The following ITSN1 variants were observed in gnomAD, a reference collection of about 807,000 sequenced individuals.
ITSN1 encodes the protein intersectin-1.
A neutral mutation model predicts 239.8 loss-of-function variants in ITSN1; 58 were observed. The ratio of observed to expected loss-of-function variants is 0.24; its 90% CI spans 0.20 to 0.30. The LOEUF is 0.30. Among genes scored for constraint, ITSN1 ranks in the 10% least tolerant of loss-of-function variants. The pLI, the probability that ITSN1 is intolerant of heterozygous loss-of-function variation, is 1.00. For missense variants in ITSN1, 1,558 were observed against 2,103.3 expected (o/e 0.74, Z 5.07); for synonymous variants, 780 against 770.8 (o/e 1.01, Z -0.20).
At chr21:33,858,359 G>C (rs984320181) in intron 30 of ITSN1, among the ~76,000 whole-genome samples, 1 of 152,224 alleles carries the variant, frequency 6.6e-6, no homozygotes, top group Non-Finnish European at 1.5e-5. Context: ...CTCCCAGTGC[G>C]CAGGTGAGAC....
At chr21:33,778,313 A>G (rs1390965922) in intron 14 of ITSN1, among the ~76,000 whole-genome samples, 2 of 151,916 alleles carry the variant, frequency 1.3e-5, no homozygotes, top group Non-Finnish European at 2.9e-5. Flanking sequence ...TGAGTTGGAA[A>G]ATATTCCTTC....
intron 16 of ITSN1, among the ~76,000 whole-genome samples, chr21:33,787,910 A>C (rs1286127933): frequency 6.6e-6 from 1 of 152,222 alleles, no homozygotes. Flanking sequence ...CAGAAGTAAT[A>C]AAGTGCTCTA....
In ITSN1 at chr21:33,760,321, AG is replaced by A. The variant is rs544623197; in HGVS notation, c.725-1598del. ...AGCTGAGTCTAAAAGAGAGGCAAAT[AG>A]GGGCATCTGGGGTGCGATTATACTC... On this transcript the variant is annotated intron_variant, in intron 8 of 39. Coordinates refer to ENST00000381318, the MANE Select transcript of ITSN1 (RefSeq NM_003024.3). 8.1e-4 allele frequency among the ~76,000 whole-genome samples: 123 copies of A among 152,246 alleles called. No homozygotes were observed. In the Middle Eastern group the frequency reaches 0.014, roughly 17 times the overall value.
intron 1 of ITSN1, among the ~76,000 whole-genome samples, chr21:33,706,423 A>G (rs1010502969): frequency 6.6e-6 from 1 of 152,092 alleles, no homozygotes; most frequent in African/African-American, 2.4e-5. Context: ...TTACTTGGTC[A>G]TAAAGGTATT....
intron 4 of ITSN1, 88 bp downstream of exon 4, chr21:33,722,739 G>A (rs2065576093): frequency 8.0e-7 from 1 of 1,248,288 alleles, no homozygotes; most frequent in Non-Finnish European, 1.1e-6. Context: ...GATTTCTTAT[G>A]TTATAAAAGG....
chr21:33,832,464 T>G (rs921192984), intron 27 of ITSN1, among the ~76,000 whole-genome samples: 35 of 152,202 alleles, frequency 2.3e-4, no homozygotes, highest in Admixed American at 1.0e-3. Context: ...AAGTGAGTGT[T>G]TGAGTGGTTC....
chr21:33,769,978 G>A (rs2069018120), intron 11 of ITSN1, among the ~76,000 whole-genome samples: 1 of 152,122 alleles, frequency 6.6e-6, no homozygotes, highest in Non-Finnish European at 1.5e-5. Flanking sequence ...GATTACAGGT[G>A]TGAGCCACTG....
intron 1 of ITSN1, among the ~76,000 whole-genome samples, chr21:33,697,358 A>G (rs537838236): frequency 5.8e-4 from 88 of 151,414 alleles, no homozygotes; most frequent in Non-Finnish European, 3.2e-4. Flanking sequence ...CTGAGATTAC[A>G]GGTGTGAGCC....
Position 33,817,383 on chromosome 21 carries a change from T to C in ITSN1, c.2728-884T>C, listed in dbSNP as rs908393291. ...TGCCCTTCCTCCGAAGCCCTAGCTGTCAAAGTCCTTCTCATCCTTCAAGGC... is the reference window on the plus strand; with the variant it reads ...TGCCCTTCCTCCGAAGCCCTAGCTGCCAAAGTCCTTCTCATCCTTCAAGGC... On this transcript the variant is annotated intron_variant, in intron 22 of 39. Coordinates refer to ENST00000381318, the MANE Select transcript of ITSN1 (RefSeq NM_003024.3). The C allele has an allele frequency of 2.3e-6, 3 of 1,304,320 alleles. No individual in the cohort carries two copies. In the African/African-American group the frequency reaches 4.6e-5, roughly 20 times the overall value. 80.8% of individuals were successfully genotyped at this position (1,304,320 alleles called of 1,614,324 possible).
At chr21:33,768,367 C>T (rs1207697339) in intron 11 of ITSN1, among the ~76,000 whole-genome samples, 3 of 152,188 alleles carry the variant, frequency 2.0e-5, no homozygotes, top group East Asian at 1.9e-4. Context: ...CTGCAACCTC[C>T]GCCTCCCAGG....
chr21:33,798,605 TTGTG>T (rs1341905651), intron 18 of ITSN1, among the ~76,000 whole-genome samples: 3 of 152,210 alleles, frequency 2.0e-5, no homozygotes, highest in Admixed American at 6.5e-5. Flanking sequence ...TGCTTTTTCT[TTGTG>T]TGGTAAATTA....
At chr21:33,676,518 G>A (rs2090603528) in intron 1 of ITSN1, among the ~76,000 whole-genome samples, 1 of 152,262 alleles carries the variant, frequency 6.6e-6, no homozygotes, top group African/African-American at 2.4e-5. Context: ...ATGAGCCACC[G>A]TGCCCAGCCT....
rs1193011407 is a variant in ITSN1 at position 33,819,276 on chromosome 21, T to C, written c.2969T>C (p.Leu990Pro). Residue 990 changes from leucine (L) to proline (P), a missense_variant, in exon 24 of 40, where the codon CTA (leucine) becomes CCA (proline). Physicochemically the swap from Leu to Pro is moderately conservative, Grantham distance 98. Around this residue, in one of 2 missense-constraint regions of ITSN1, gnomAD observed 982 missense variants for 1,209.9 expected, o/e 0.81. Coordinates refer to ENST00000381318, the MANE Select transcript of ITSN1 (RefSeq NM_003024.3). ...DSGSSESPAS[L>P]KRVASPAAKP... ...GGTTCTTCAGAGAGTCCTGCTAGTC[T>C]AAAGCGAGTAGCCTCTCCAGCAGCC... 1 of 1,613,982 alleles carries C rather than the reference T, an allele frequency of 6.2e-7. No individual in the cohort carries two copies. The highest frequency in any genetic ancestry group is 8.5e-7 in the Non-Finnish European group (1 of 1,179,944).
At chr21:33,774,685 G>C (rs749125463) in intron 12 of ITSN1, 44 bp from the exon 13 acceptor site, 113 of 1,590,946 alleles carry the variant, frequency 7.1e-5, no homozygotes, top group Non-Finnish European at 2.3e-5. Context: ...ATTGTGTAGT[G>C]TAAGAACTGA....
At chr21:33,818,034 TCAGA>T in intron 22 of ITSN1, 1 of 552,268 alleles carries the variant, frequency 1.8e-6, no homozygotes, top group Non-Finnish European at 3.2e-6. Context: ...TTCTAGATGG[TCAGA>T]CAATGACTTT....
At chr21:33,804,902 G>A (rs1305896021) in intron 20 of ITSN1, among the ~76,000 whole-genome samples, 1 of 152,190 alleles carries the variant, frequency 6.6e-6, no homozygotes, top group Non-Finnish European at 1.5e-5. Flanking sequence ...GAAAGCTTAC[G>A]AATTTGTGTT....
chr21:33,685,008 T>C (rs928150046), intron 1 of ITSN1, among the ~76,000 whole-genome samples: 13 of 152,212 alleles, frequency 8.5e-5, no homozygotes, highest in African/African-American at 3.1e-4. Flanking sequence ...GTAGTATCAT[T>C]ACCCAGCTAC....
chr21:33,720,715 A>G (rs551044533), intron 2 of ITSN1, among the ~76,000 whole-genome samples: 1 of 152,166 alleles, frequency 6.6e-6, no homozygotes, highest in Non-Finnish European at 1.5e-5. Context: ...CATCACCACA[A>G]TCTAATATAT....
chr21:33,809,517 A>G (rs1257217529), intron 20 of ITSN1, among the ~76,000 whole-genome samples: 2 of 152,246 alleles, frequency 1.3e-5, no homozygotes, highest in Non-Finnish European at 2.9e-5. Flanking sequence ...CACTGAGTAC[A>G]TACAGATAGA....
Sources: gnomAD v4.1 joint callset for allele counts (sites outside exome capture counted in the v4.1 genomes callset) on GRCh38, gnomAD v4.1.1 for gene constraint, gnomAD v4.1.1 regional missense constraint, MANE v1.5 for transcripts, NCBI Gene and HGNC (gene_info 2026-07-23, HGNC 2026-07-21) for gene names.